The following IKZF3 variants were observed in gnomAD, a reference collection of about 807,000 sequenced individuals.
IKZF3 encodes the protein zinc finger protein Aiolos.
Under a neutral mutation model 49.0 loss-of-function variants are expected in IKZF3, and 10 were observed. The observed-to-expected ratio is 0.20, with a 90% confidence interval of 0.13 to 0.35. IKZF3 has a LOEUF of 0.35. IKZF3 is among the 10% of genes least tolerant of loss of function. The probability of loss-of-function intolerance (pLI) is 1.00; values close to 1 mark genes in which losing one functional copy is unlikely to be tolerated. For synonymous variants in IKZF3, 209 were observed against 228.2 expected, an observed-to-expected ratio of 0.92 and a Z score of 0.76; for missense variants, 498 against 664.8, an observed-to-expected ratio of 0.75 and a Z score of 2.76.
Position 39,794,805 on chromosome 17 carries a change from A to T in IKZF3, c.164-1872T>A, listed in dbSNP as rs115222924. Among the ~76,000 whole-genome samples, 1,155 of 152,042 alleles carry T rather than the reference A, an allele frequency of 7.6e-3. 13 individuals carry two copies. Among genetic ancestry groups the T allele is most frequent in the African/African-American group, 0.027 (1,104 of 41,450 alleles). The stretch of plus-strand genomic sequence containing the variant: ...TTGTTTGCTTAAGTGTTTATTTTTT[A>T]TTTTTTTAAGAGAAGGATGCACCTG... On this transcript the variant is annotated intron_variant, in intron 3 of 7. Coordinates refer to ENST00000346872, the MANE Select transcript of IKZF3 (RefSeq NM_012481.5).
At chr17:39,823,464 A>G (rs749273213) in intron 3 of IKZF3, among the ~76,000 whole-genome samples, 4 of 152,222 alleles carry the variant, frequency 2.6e-5, no homozygotes, top group Non-Finnish European at 4.4e-5. Flanking sequence ...CCAGCTGCAT[A>G]AATTTGCATA....
At chr17:39,809,322 G>A (rs2061499706) in intron 3 of IKZF3, among the ~76,000 whole-genome samples, 1 of 152,148 alleles carries the variant, frequency 6.6e-6, no homozygotes, top group Admixed American at 6.5e-5. Flanking sequence ...AGTTAAAGCA[G>A]ATTTCAACCA....
chr17:39,806,372 C>T (rs911496718), intron 3 of IKZF3, among the ~76,000 whole-genome samples: 3 of 152,062 alleles, frequency 2.0e-5, no homozygotes, highest in Non-Finnish European at 2.9e-5. Flanking sequence ...TTAAAATGCA[C>T]GAAAGTAGTC....
chr17:39,785,347 G>GA (rs1013702833), intron 6 of IKZF3, among the ~76,000 whole-genome samples: 24 of 150,408 alleles, frequency 1.6e-4, no homozygotes, highest in South Asian at 1.3e-3. Context: ...ATATTTGTTT[G>GA]AAAAAAAAAT....
At chr17:39,827,285 C>T (rs1568029391) in intron 3 of IKZF3, among the ~76,000 whole-genome samples, 1 of 151,172 alleles carries the variant, frequency 6.6e-6, no homozygotes, top group African/African-American at 2.4e-5. Context: ...GTGTGAGTCA[C>T]CACGGCCGGC....
At chr17:39,830,522 C>A (rs1249249638) in intron 2 of IKZF3, among the ~76,000 whole-genome samples, 3 of 151,986 alleles carry the variant, frequency 2.0e-5, no homozygotes. Context: ...AAACAAACAG[C>A]AAACTTGTTA....
chr17:39,771,405 AC>A (rs2060438606), intron 7 of IKZF3, among the ~76,000 whole-genome samples: 1 of 152,244 alleles, frequency 6.6e-6, no homozygotes, highest in Admixed American at 6.5e-5. Context: ...TTTGAGGAAT[AC>A]AACAAAATTG....
At chr17:39,837,085 A>T (rs12948686) in intron 1 of IKZF3, among the ~76,000 whole-genome samples, 4,691 of 151,374 alleles carry the variant, frequency 0.031, 245 homozygotes, top group African/African-American at 0.11. Flanking sequence ...AAGCACCACC[A>T]TGCCTGGCTA....
intron 7 of IKZF3, among the ~76,000 whole-genome samples, chr17:39,769,029 T>A (rs1428406155): frequency 6.6e-6 from 1 of 152,224 alleles, no homozygotes; most frequent in Non-Finnish European, 1.5e-5. Context: ...CTCCTTAGTA[T>A]GATCCAGGAG....
rs1427170370 is a variant in IKZF3 at position 39,792,772 on chromosome 17, C to T, written c.325G>A (p.Asp109Asn). 13 of 1,614,130 alleles carry T rather than the reference C, an allele frequency of 8.1e-6. No homozygotes were observed. The highest frequency in any genetic ancestry group is 2.7e-5 in the African/African-American group (2 of 75,048). The change falls in exon 4 of 8, where the codon GAT (aspartate) becomes AAT (asparagine). Residue 109 changes from aspartate to asparagine, a missense_variant. This residue lies in a region of IKZF3 where 84 missense variants were observed against 168.6 expected (regional missense o/e 0.50). Transcript: ENST00000346872. The part of the protein sequence containing the change: ...IKLERHVVSF[D>N]SSRPTSGKMN... ...TTTCCACTGGTTGGCCTGCTACTAT[C>T]GAATGAGACAACATGTCTCTCCAAC...
intron 3 of IKZF3, among the ~76,000 whole-genome samples, chr17:39,818,159 T>C (rs757873360): frequency 6.6e-6 from 1 of 152,222 alleles, no homozygotes; most frequent in Non-Finnish European, 1.5e-5. Context: ...TAAGTATTTG[T>C]ATATCTAAAC....
chr17:39,839,310 G>GT, intron 1 of IKZF3: 1 of 474,300 alleles, frequency 2.1e-6, no homozygotes, highest in Non-Finnish European at 3.9e-6. Flanking sequence ...GCTTGATATG[G>GT]TAACATGATT....
chr17:39,812,088 C>T (rs1038296307), intron 3 of IKZF3, among the ~76,000 whole-genome samples: 5 of 152,150 alleles, frequency 3.3e-5, no homozygotes, highest in African/African-American at 1.2e-4. Flanking sequence ...TTGCTTTGTG[C>T]TTTTTGTAAC....
chr17:39,769,436 T>C (rs895254077), intron 7 of IKZF3, among the ~76,000 whole-genome samples: 1 of 152,104 alleles, frequency 6.6e-6, no homozygotes, highest in East Asian at 1.9e-4. Context: ...AAAAAAAATA[T>C]GCAAACGAAA....
chr17:39,783,800 G>A (rs954535387), intron 6 of IKZF3, among the ~76,000 whole-genome samples: 1 of 152,082 alleles, frequency 6.6e-6, no homozygotes, highest in African/African-American at 2.4e-5. Context: ...ATGGTGGCAG[G>A]CACCTGTAAT....
In IKZF3 at chr17:39,764,107, G is replaced by A. The variant is rs993425476; in HGVS notation, c.*1683C>T. On this transcript the variant is annotated 3_prime_UTR_variant, in exon 8 of 8. Coordinates refer to ENST00000346872, the MANE Select transcript of IKZF3 (RefSeq NM_012481.5). The stretch of plus-strand genomic sequence containing the variant: ...TGACCTCAAATGATGCGCCTGCCTC[G>A]GCTTCCCAAAGTGTTGGGATTACAG... 4 of 152,080 alleles carry A rather than the reference G, an allele frequency of 2.6e-5. No homozygotes were observed. Among genetic ancestry groups the A allele is most frequent in the South Asian group, 2.1e-4 (1 of 4,820 alleles). 9.4% of individuals were successfully genotyped at this position (152,080 alleles called of 1,614,324 possible).
intron 6 of IKZF3, among the ~76,000 whole-genome samples, chr17:39,783,096 T>G (rs1438915126): frequency 6.6e-6 from 1 of 152,178 alleles, no homozygotes; most frequent in Non-Finnish European, 1.5e-5. Context: ...AAATCCTTCA[T>G]TAGATCTTGA....
In IKZF3 at chr17:39,777,752, C is replaced by T. The variant is rs766478179; in HGVS notation, c.725G>A (p.Arg242Lys). The change falls in exon 7 of 8, where the codon AGA becomes AAA. Residue 242 changes from arginine (R) to lysine (K), a missense_variant. Coordinates refer to ENST00000346872, the MANE Select transcript of IKZF3 (RefSeq NM_012481.5). ...DPGDTASAEA[R>K]HIKAEMGSER... Reference sequence around the variant, plus strand: ...ACTTCCCATCTCTGCTTTGATGTGTCTTGCCTCCGCACTTGCTAGTTTGGA... The same window carrying T: ...ACTTCCCATCTCTGCTTTGATGTGTTTTGCCTCCGCACTTGCTAGTTTGGA... The T allele has an allele frequency of 6.2e-7, 1 of 1,613,468 alleles. No individual in the cohort carries two copies. Among genetic ancestry groups the T allele is most frequent in the Non-Finnish European group, 8.5e-7 (1 of 1,179,748 alleles).
intron 1 of IKZF3, among the ~76,000 whole-genome samples, chr17:39,842,094 G>C (rs1232890878): frequency 6.7e-6 from 1 of 149,820 alleles, no homozygotes; most frequent in Non-Finnish European, 1.5e-5. Context: ...TGTGTATATG[G>C]GTATACATAA....
Sources: allele counts gnomAD v4.1 joint callset (sites outside exome capture counted in the v4.1 genomes callset), GRCh38; gene constraint gnomAD v4.1.1; regional missense constraint gnomAD v4.1.1; transcripts MANE v1.5; gene names NCBI Gene and HGNC (gene_info 2026-07-23, HGNC 2026-07-21).